ADAM17: variants seen among roughly 807,000 people sequenced by gnomAD.
The protein encoded by ADAM17 is disintegrin and metalloproteinase domain-containing protein 17.
ADAM17 carries 39 observed loss-of-function variants against 96.7 expected under a neutral mutation model. That is an observed-to-expected ratio of 0.40 (90% confidence interval 0.31 to 0.53). ADAM17 has a LOEUF of 0.53. Ranked by LOEUF, ADAM17 falls within the 20% of genes least tolerant of loss-of-function variation. The pLI is 0.44. For synonymous variants in ADAM17, 344 were observed against 359.2 expected, an observed-to-expected ratio of 0.96 and a Z score of 0.48; for missense variants, 777 against 1,013.2, an observed-to-expected ratio of 0.77 and a Z score of 3.17.
chr2:9,520,526 T>C (rs899863625), intron 8 of ADAM17, among the ~76,000 whole-genome samples: 6 of 152,176 alleles, frequency 3.9e-5, no homozygotes, highest in East Asian at 3.8e-4. Flanking sequence ...AAAAGATAAA[T>C]TGATAAGCTT....
chr2:9,552,124 T>C (rs1375216116), intron 1 of ADAM17, among the ~76,000 whole-genome samples: 1 of 152,198 alleles, frequency 6.6e-6, no homozygotes, highest in Non-Finnish European at 1.5e-5. Flanking sequence ...ATGAAGCCCA[T>C]TCCTGTCCTC....
chr2:9,511,048 C>G (rs1663704722), intron 10 of ADAM17, among the ~76,000 whole-genome samples: 1 of 152,168 alleles, frequency 6.6e-6, no homozygotes, highest in Admixed American at 6.5e-5. Flanking sequence ...ATGCAATAAG[C>G]TAACTGTAGT....
At chr2:9,536,241 C>T (rs1042547813) in intron 3 of ADAM17, among the ~76,000 whole-genome samples, 1 of 152,060 alleles carries the variant, frequency 6.6e-6, no homozygotes, top group Non-Finnish European at 1.5e-5. Context: ...AATGTACAGG[C>T]CTAGGAACTA....
At chr2:9,501,143 A>G (rs1447989377) in intron 13 of ADAM17, among the ~76,000 whole-genome samples, 1 of 152,216 alleles carries the variant, frequency 6.6e-6, no homozygotes, top group Admixed American at 6.5e-5. Context: ...TTTTTAAAAA[A>G]TGAACCAAAT....
intron 1 of ADAM17, among the ~76,000 whole-genome samples, chr2:9,544,953 C>T (rs1470102046): frequency 6.6e-6 from 1 of 152,208 alleles, no homozygotes; most frequent in African/African-American, 2.4e-5. Flanking sequence ...ATTCTCAGTG[C>T]TGAAATGCAA....
Position 9,536,839 on chromosome 2 carries a change from A to C in ADAM17, c.231-11T>G. 1 of 1,612,666 alleles carries C rather than the reference A, an allele frequency of 6.2e-7. No homozygotes were observed. Among genetic ancestry groups the C allele is most frequent in the Non-Finnish European group, 8.5e-7 (1 of 1,179,196 alleles). On this transcript the variant is annotated splice_polypyrimidine_tract_variant and intron_variant, in intron 2 of 18. Coordinates refer to ENST00000310823, the MANE Select transcript of ADAM17 (RefSeq NM_003183.6). ...TATAATTTAAAATGCCTGAAGAAAA[A>C]TGCATTCATATTTTACTCTAAGCAC...
chr2:9,522,897 T>C lies in ADAM17; in HGVS notation c.843+352A>G, dbSNP rs545484047. ...AAGGTACACAGTATTTTTTAGTAAA[T>C]TTTCTGACTAAGGATTCAATGGTGC... On this transcript the variant is annotated intron_variant, in intron 7 of 18. Transcript: ENST00000310823. Among the ~76,000 whole-genome samples the C allele has an allele frequency of 2.0e-5, 3 of 152,234 alleles. No homozygotes were observed. In the East Asian group the frequency reaches 5.8e-4, roughly 29 times the overall value.
intron 11 of ADAM17, among the ~76,000 whole-genome samples, chr2:9,507,677 A>G (rs1442130110): frequency 6.6e-6 from 1 of 152,138 alleles, no homozygotes; most frequent in African/African-American, 2.4e-5. Context: ...TCCAGAAAAA[A>G]AAAGTTCTTC....
intron 7 of ADAM17, 66 bp from the exon 8 acceptor site, chr2:9,521,382 A>G (rs1558513672): frequency 1.8e-6 from 2 of 1,123,176 alleles, no homozygotes; most frequent in East Asian, 2.5e-5. Context: ...TGAATACTGC[A>G]TTATTTTATC....
Position 9,494,793 on chromosome 2 carries a change from G to C in ADAM17, c.1784-26C>G, listed in dbSNP as rs773711019. ...CTGGAACAGAGAACACGCATTGACA[G>C]CTGGATTGTTCTGAGACCTGCCTCT... On this transcript the variant is annotated intron_variant, in intron 14 of 18. Transcript: ENST00000310823. 1.2e-5 allele frequency: 20 copies of C among 1,612,584 alleles called. No homozygotes were observed. The South Asian group carries it at 2.2e-4, about 18-fold the overall frequency.
intron 1 of ADAM17, among the ~76,000 whole-genome samples, chr2:9,554,143 T>C (rs945277463): frequency 6.6e-6 from 1 of 152,268 alleles, no homozygotes; most frequent in African/African-American, 2.4e-5. Flanking sequence ...CTCTTTAAAC[T>C]GTATGCTTCC....
At chr2:9,530,980 C>CA (rs1020969698) in intron 4 of ADAM17, among the ~76,000 whole-genome samples, 2 of 151,972 alleles carry the variant, frequency 1.3e-5, no homozygotes, top group East Asian at 1.9e-4. Flanking sequence ...TTTTCTGAGA[C>CA]AGAGTTTCAC....
chr2:9,551,274 G>C lies in ADAM17; in HGVS notation c.97+4235C>G, dbSNP rs1290949757. Among the ~76,000 whole-genome samples the C allele has an allele frequency of 4.0e-5, 6 of 151,814 alleles. No individual in the cohort carries two copies. In the South Asian group the frequency reaches 6.2e-4, roughly 16 times the overall value. ...AAAGGAAGGGGGGGAACGGAGAGAT[G>C]CCCATTTCCTTGGCTGATTTTAGGA... is the stretch of plus-strand genomic sequence containing the variant. On this transcript the variant is annotated intron_variant, in intron 1 of 18. Transcript: ENST00000310823.
At chr2:9,493,910 G>A (rs1442265408) in intron 15 of ADAM17, 85 bp from the exon 16 acceptor site, 1 of 1,129,510 alleles carries the variant, frequency 8.9e-7, no homozygotes, top group Non-Finnish European at 1.3e-6. Context: ...TAACTGACAT[G>A]TAAAGGGCTT....
At chr2:9,509,271 A>C (rs1285624877) in intron 11 of ADAM17, among the ~76,000 whole-genome samples, 1 of 152,240 alleles carries the variant, frequency 6.6e-6, no homozygotes, top group Non-Finnish European at 1.5e-5. Context: ...TATGCTGTTT[A>C]ACTTCAAATA....
chr2:9,504,594 G>A (rs1191815296), intron 12 of ADAM17, among the ~76,000 whole-genome samples: 2 of 151,514 alleles, frequency 1.3e-5, no homozygotes, highest in Middle Eastern at 3.4e-3. Flanking sequence ...GTGAAACCTC[G>A]TCTCTACTAA....
rs548936086 is a variant in ADAM17, at chr2:9,535,763, TTGCAGAAC to T, written c.450+63_450+70del. On this transcript the variant is annotated intron_variant, in intron 4 of 18. Coordinates refer to ENST00000310823, the MANE Select transcript of ADAM17 (RefSeq NM_003183.6). ...AAATAAGTATAATTACTTTTCACCT[TTGCAGAAC>T]TGAGCAGCTTTTTGAAAATCAGAGA... The T allele has an allele frequency of 2.5e-4, 246 of 993,682 alleles. 4 individuals carry two copies. The East Asian group carries it at 4.6e-3, about 19-fold the overall frequency. The allele number at this position is 993,682 out of a possible 1,614,324, so 61.6% of individuals were successfully genotyped here.
intron 1 of ADAM17, 135 bp from the exon 2 acceptor site, chr2:9,543,420 T>C: frequency 2.5e-6 from 2 of 808,306 alleles, no homozygotes; most frequent in Middle Eastern, 8.4e-4. Flanking sequence ...CTATAAATCA[T>C]TTTTTATCAA....
Position 9,490,221 on chromosome 2 carries a change from G to A in ADAM17, c.2431C>T (p.Leu811=). The change falls in exon 19 of 19, where the codon CTG becomes TTG. Residue 811 remains leucine (L), a synonymous_variant. Coordinates refer to ENST00000310823, the MANE Select transcript of ADAM17 (RefSeq NM_003183.6). ...TRSEKAASFK[L]QRQNRVDSKE... is the part of the protein sequence containing the mutation. ...CTGTCAACACGATTCTGACGCTGCA[G>A]TTTAAAGGAGGCAGCCTTTTCACTT... 6.2e-7 allele frequency: 1 copy of A among 1,606,314 alleles called. No individual in the cohort carries two copies. The highest frequency in any genetic ancestry group is 8.5e-7 in the Non-Finnish European group (1 of 1,173,196).
Sources: gnomAD v4.1 joint callset for allele counts (sites outside exome capture counted in the v4.1 genomes callset) on GRCh38, gnomAD v4.1.1 for gene constraint, MANE v1.5 for transcripts, NCBI Gene and HGNC (gene_info 2026-07-23, HGNC 2026-07-21) for gene names.